Variants in TSNARE1 observed in about 807,000 individuals in gnomAD.
TSNARE1 encodes t-SNARE domain-containing protein 1.
TSNARE1 carries 49 observed loss-of-function variants against 62.0 expected under a neutral mutation model. The ratio of observed to expected loss-of-function variants is 0.79; its 90% CI spans 0.63 to 1.00. The LOEUF (loss-of-function observed/expected upper bound fraction) is 1.00. Ranked by LOEUF, TSNARE1 falls within the 50% of genes least tolerant of loss-of-function variation. TSNARE1 has a pLI of 0.00. For synonymous variants in TSNARE1, 328 were observed against 294.4 expected, an observed-to-expected ratio of 1.11 and a Z score of -1.17; for missense variants, 755 against 700.1, an observed-to-expected ratio of 1.08 and a Z score of -0.88.
chr8:142,328,824 G>C (rs1441013899), intron 6 of TSNARE1, among the ~76,000 whole-genome samples: 2 of 129,378 alleles, frequency 1.5e-5, no homozygotes, highest in Non-Finnish European at 3.3e-5. Context: ...CCTTTGGGGG[G>C]GGGGAGGGTT....
At chr8:142,336,432 C>T (rs1831771299) in intron 4 of TSNARE1, among the ~76,000 whole-genome samples, 1 of 151,788 alleles carries the variant, frequency 6.6e-6, no homozygotes, top group Non-Finnish European at 1.5e-5. Context: ...GGAATGGCTA[C>T]ACTAATATCA....
At chr8:142,216,171 C>G (rs1188651878) in intron 13 of TSNARE1, among the ~76,000 whole-genome samples, 2 of 152,212 alleles carry the variant, frequency 1.3e-5, no homozygotes, top group Non-Finnish European at 2.9e-5. Context: ...TCTCTTCACC[C>G]CCAGGGCCCG....
chr8:142,257,170 A>G (rs1818626590), intron 12 of TSNARE1, among the ~76,000 whole-genome samples: 2 of 152,200 alleles, frequency 1.3e-5, no homozygotes, highest in Admixed American at 6.5e-5. Flanking sequence ...CTTTCAGCAC[A>G]GTGCCCACTT....
At chr8:142,275,221 CTG>C (rs1820258437) in intron 11 of TSNARE1, 2 of 985,326 alleles carry the variant, frequency 2.0e-6, no homozygotes, top group East Asian at 1.1e-4. Flanking sequence ...CCCCTCCACT[CTG>C]TGGCCACGGC....
Position 142,300,653 on chromosome 8 carries a change from GAC to G in TSNARE1, c.1132-11_1132-10del. ...AACGGGGCCTGGGGACTCTGCTGAT[GAC>G]AGACAGATCTTGTTAGCACTGACCC... is the stretch of plus-strand genomic sequence containing the variant. On this transcript the variant is annotated splice_polypyrimidine_tract_variant and intron_variant, in intron 9 of 13. Coordinates refer to ENST00000524325, the MANE Select transcript of TSNARE1 (RefSeq NM_145003.5). 6.2e-7 allele frequency: 1 copy of G among 1,611,232 alleles called. No homozygotes were observed. Among genetic ancestry groups the G allele is most frequent in the Non-Finnish European group, 8.5e-7 (1 of 1,178,578 alleles).
chr8:142,360,068 G>T (rs752172305), intron 1 of TSNARE1, among the ~76,000 whole-genome samples: 2 of 152,224 alleles, frequency 1.3e-5, no homozygotes, highest in Non-Finnish European at 2.9e-5. Flanking sequence ...GGCCTTGAAG[G>T]CCTGGGCACA....
At chr8:142,254,692 G>C (rs1262961002) in intron 12 of TSNARE1, among the ~76,000 whole-genome samples, 1 of 152,196 alleles carries the variant, frequency 6.6e-6, no homozygotes. Context: ...GCCTGGACTC[G>C]AACCCTGGCC....
At chr8:142,308,486 C>A (rs1458685850) in intron 9 of TSNARE1, among the ~76,000 whole-genome samples, 1 of 152,174 alleles carries the variant, frequency 6.6e-6, no homozygotes, top group Non-Finnish European at 1.5e-5. Context: ...GCAGGGCAGT[C>A]CACCTCGGCC....
chr8:142,349,779 C>A (rs1426472596), intron 2 of TSNARE1, among the ~76,000 whole-genome samples: 1 of 152,238 alleles, frequency 6.6e-6, no homozygotes, highest in South Asian at 2.1e-4. Context: ...GCATGACCAC[C>A]AGGCCGGAGG....
intron 1 of TSNARE1, among the ~76,000 whole-genome samples, chr8:142,392,258 G>A (rs1837584597): frequency 6.6e-6 from 1 of 152,096 alleles, no homozygotes; most frequent in Non-Finnish European, 1.5e-5. Context: ...CTGACCTCAG[G>A]TGATCCACCC....
In TSNARE1 at chr8:142,294,286, C is replaced by G. The variant is rs192330010; in HGVS notation, c.1290+6200G>C. On this transcript the variant is annotated intron_variant, in intron 10 of 13. Coordinates refer to ENST00000524325, the MANE Select transcript of TSNARE1 (RefSeq NM_145003.5). ...TTGCAGGGACGAGGCAGGGATCAAT[C>G]ACCTCGCTAACACCTGGGGAAACAG... Among the ~76,000 whole-genome samples, 174 of 152,206 alleles carry G rather than the reference C, an allele frequency of 1.1e-3. 1 individual carries two copies. Among genetic ancestry groups the G allele is most frequent in the African/African-American group, 3.8e-3 (156 of 41,540 alleles).
At chr8:142,212,804 C>T (rs1408719840) in intron 13 of TSNARE1, among the ~76,000 whole-genome samples, 1 of 13,554 alleles carries the variant, frequency 7.4e-5, no homozygotes, top group Non-Finnish European at 1.5e-4. Flanking sequence ...TCTCTCCAAT[C>T]CTTCCCCCCC....
intron 12 of TSNARE1, among the ~76,000 whole-genome samples, chr8:142,255,892 ACCACCAC>A (rs1818470614): frequency 1.6e-5 from 1 of 64,152 alleles, no homozygotes; most frequent in Non-Finnish European, 3.7e-5. Flanking sequence ...CACCACCACC[ACCACCAC>A]TGTCACCATC....
chr8:142,268,814 C>A (rs1198106799), intron 12 of TSNARE1, among the ~76,000 whole-genome samples: 1 of 152,186 alleles, frequency 6.6e-6, no homozygotes, highest in African/African-American at 2.4e-5. Flanking sequence ...GCCATGAGGA[C>A]CACGGCAGAG....
intron 2 of TSNARE1, 108 bp from the exon 3 acceptor site, chr8:142,346,000 T>G: frequency 7.5e-7 from 1 of 1,328,940 alleles, no homozygotes. Flanking sequence ...GATGCTCCAC[T>G]CAGGGCTCCT....
At chr8:142,274,976 G>A (rs986750893) in intron 11 of TSNARE1, 113 bp from the exon 12 acceptor site, 109 of 1,390,772 alleles carry the variant, frequency 7.8e-5, no homozygotes, top group Admixed American at 1.1e-4. Context: ...CTGCAGAGGA[G>A]CAGAGGCTGC....
chr8:142,256,404 CA>C (rs1818575011), intron 12 of TSNARE1, among the ~76,000 whole-genome samples: 1 of 126,000 alleles, frequency 7.9e-6, no homozygotes, highest in African/African-American at 2.9e-5. Context: ...CCACCAGCAG[CA>C]ACCACCATCA....
rs1046056997 is a variant in TSNARE1 at position 142,253,749 on chromosome 8, C to T, written c.1446+21032G>A. Among the ~76,000 whole-genome samples the T allele has an allele frequency of 1.4e-4, 22 of 152,256 alleles. 2 individuals are homozygous for T. The highest frequency in any genetic ancestry group is 4.4e-5 in the Non-Finnish European group (3 of 68,046). On this transcript the variant is annotated intron_variant, in intron 12 of 13. Coordinates refer to ENST00000524325, the MANE Select transcript of TSNARE1 (RefSeq NM_145003.5). ...TCCCCAAGTGGCAATGGTGACCCCT[C>T]CCGCAGGACCCTGCGGCTGGTCAGT...
At chr8:142,362,260 C>G (rs1013131832) in intron 1 of TSNARE1, among the ~76,000 whole-genome samples, 1 of 152,220 alleles carries the variant, frequency 6.6e-6, no homozygotes, top group African/African-American at 2.4e-5. Context: ...CCCAGCGGAG[C>G]TGTGGCCTCA....
Sources: gnomAD v4.1 joint callset for allele counts (sites outside exome capture counted in the v4.1 genomes callset) on GRCh38, gnomAD v4.1.1 for gene constraint, MANE v1.5 for transcripts, NCBI Gene and HGNC (gene_info 2026-07-23, HGNC 2026-07-21) for gene names.